AKT3: variants seen among roughly 807,000 people sequenced by gnomAD.
AKT3 encodes AKT serine/threonine kinase 3.
In AKT3, 15 loss-of-function variants were observed where a neutral mutation model predicts 65.3. The observed-to-expected ratio is 0.23, with a 90% CI of 0.15 to 0.35. The LOEUF (loss-of-function observed/expected upper bound fraction) is 0.35, where lower values mean the gene tolerates loss of function less well. Ranked by LOEUF, AKT3 falls within the 10% of genes least tolerant of loss-of-function variation. The probability of loss-of-function intolerance (pLI) is 1.00; values close to 1 mark genes in which losing one functional copy is unlikely to be tolerated. For missense variants in AKT3, 243 were observed against 576.5 expected, an observed-to-expected ratio of 0.42 and a Z score of 5.92; for synonymous variants, 206 against 183.8, an observed-to-expected ratio of 1.12 and a Z score of -0.98.
intron 4 of AKT3, among the ~76,000 whole-genome samples, chr1:243,654,160 AAATTAT>A (rs1047174933): frequency 6.6e-6 from 1 of 152,116 alleles, no homozygotes. Context: ...ATTGTAACTT[AAATTAT>A]AATATTTAAC....
chr1:243,533,717 G>A (rs571498464), intron 12 of AKT3, among the ~76,000 whole-genome samples: 44 of 152,306 alleles, frequency 2.9e-4, no homozygotes, highest in African/African-American at 8.4e-4. Context: ...AAGGCCGGGC[G>A]CGGTGGCTCA....
intron 8 of AKT3, among the ~76,000 whole-genome samples, chr1:243,590,226 G>A (rs1260441229): frequency 6.6e-6 from 1 of 152,146 alleles, no homozygotes; most frequent in African/African-American, 2.4e-5. Flanking sequence ...TGCTAAGAGA[G>A]TAGGTCTTAG....
chr1:243,583,557 G>GAAAAAAAAAAAAAAAAAA (rs977215298), intron 8 of AKT3, among the ~76,000 whole-genome samples: 1 of 38,790 alleles, frequency 2.6e-5, no homozygotes, highest in African/African-American at 4.6e-5. Context: ...AAAAAAAAAA[G>GAAAAAAAAAAAAAAAAAA]AAAAAAAAAA....
chr1:243,765,990 G>C (rs1169139382), intron 2 of AKT3, among the ~76,000 whole-genome samples: 3 of 152,068 alleles, frequency 2.0e-5, no homozygotes, highest in Admixed American at 2.0e-4. Flanking sequence ...GCTTTTCTTG[G>C]CCTGTCCAAA....
At chr1:243,836,357 CTCTAA>C (rs1486438722) in intron 2 of AKT3, among the ~76,000 whole-genome samples, 1 of 151,528 alleles carries the variant, frequency 6.6e-6, no homozygotes, top group Non-Finnish European at 1.5e-5. Flanking sequence ...ACAAAAAAGC[CTCTAA>C]TAATAGAGCT....
chr1:243,616,009 G>A (rs1678276236), intron 6 of AKT3, among the ~76,000 whole-genome samples: 1 of 152,010 alleles, frequency 6.6e-6, no homozygotes. Context: ...CCAAGTAGCA[G>A]AGACTACAGG....
At chr1:243,515,219 T>A (rs963967450) in intron 12 of AKT3, among the ~76,000 whole-genome samples, 1 of 152,166 alleles carries the variant, frequency 6.6e-6, no homozygotes, top group African/African-American at 2.4e-5. Flanking sequence ...TGCTCCCAGT[T>A]TGGGGCAATT....
rs559030593 is a variant in AKT3, at chr1:243,575,280, T to C, written c.697-2232A>G. Reference sequence around the variant, plus strand: ...CTGGCTAATCCTTCTCAGTTTCTACTTTGGCTCTGAACCAACTTTTCAATT... The same window carrying C: ...CTGGCTAATCCTTCTCAGTTTCTACCTTGGCTCTGAACCAACTTTTCAATT... On this transcript the variant is annotated intron_variant, in intron 8 of 13. Transcript: ENST00000673466. Among the ~76,000 whole-genome samples the C allele has an allele frequency of 8.9e-4, 136 of 152,284 alleles. 1 individual carries two copies. The highest frequency in any genetic ancestry group is 3.2e-3 in the African/African-American group (133 of 41,572).
intron 1 of AKT3, among the ~76,000 whole-genome samples, chr1:243,844,720 A>G (rs2148480871): frequency 6.6e-6 from 1 of 152,294 alleles, no homozygotes; most frequent in South Asian, 2.1e-4. Flanking sequence ...AAGCAAAAAA[A>G]GTTCCTCAGA....
chr1:243,521,800 T>C (rs1670733376), intron 12 of AKT3, among the ~76,000 whole-genome samples: 1 of 152,234 alleles, frequency 6.6e-6, no homozygotes, highest in Non-Finnish European at 1.5e-5. Context: ...TTCTGAGGGG[T>C]TTGTTAACAC....
rs979518810 is a variant in AKT3 at position 243,768,708 on chromosome 1, G to A, written c.47-72992C>T. Among the ~76,000 whole-genome samples the A allele has an allele frequency of 3.3e-5, 5 of 151,880 alleles. No individual in the cohort carries two copies. The East Asian group carries it at 5.8e-4, about 18-fold the overall frequency. ...AAATGAGCTGGGTGTAGAGGCATGC[G>A]CCTGTAATCCCACCTACTCAGGAGG... On this transcript the variant is annotated intron_variant, in intron 2 of 13. Transcript: ENST00000673466.
chr1:243,681,783 T>G (rs576880723), intron 3 of AKT3, among the ~76,000 whole-genome samples: 1 of 152,250 alleles, frequency 6.6e-6, no homozygotes, highest in South Asian at 2.1e-4. Context: ...CTGGGCAAGT[T>G]TTTCAGTCTC....
intron 2 of AKT3, among the ~76,000 whole-genome samples, chr1:243,714,039 T>G (rs1410899960): frequency 6.6e-6 from 1 of 152,192 alleles, no homozygotes; most frequent in African/African-American, 2.4e-5. Flanking sequence ...TTGGGTTTTT[T>G]CCTCTCTTTT....
At chr1:243,794,967 A>G (rs1184229233) in intron 2 of AKT3, among the ~76,000 whole-genome samples, 1 of 152,056 alleles carries the variant, frequency 6.6e-6, no homozygotes, top group Non-Finnish European at 1.5e-5. Flanking sequence ...CGTTCTCTTT[A>G]CCCTCATGGA....
intron 2 of AKT3, among the ~76,000 whole-genome samples, chr1:243,820,616 T>C (rs1225335533): frequency 2.6e-5 from 4 of 152,114 alleles, no homozygotes; most frequent in African/African-American, 9.6e-5. Context: ...AATGACCCAA[T>C]AGAACTGAAA....
chr1:243,583,563 AAAAAGAAAAAGAAAAAG>A lies in AKT3; in HGVS notation c.697-10532_697-10516del, dbSNP rs1393746196. On this transcript the variant is annotated intron_variant, in intron 8 of 13. Coordinates refer to ENST00000673466, the MANE Select transcript of AKT3 (RefSeq NM_005465.7). Reference sequence around the variant, plus strand: ...CTCAAAAAAAAAAAAAAAAGAAAAAAAAAAGAAAAAGAAAAAGAAAAACAAACAAAAAAACCCTGAAA... The same window carrying A: ...CTCAAAAAAAAAAAAAAAAGAAAAAAAAAAACAAACAAAAAAACCCTGAAA... 1.5e-4 allele frequency among the ~76,000 whole-genome samples: 14 copies of A among 95,812 alleles called. No homozygotes were observed. The South Asian group carries it at 2.8e-3, about 19-fold the overall frequency. The allele number at this position is 95,812 out of a possible 152,430, so 62.9% of individuals were successfully genotyped here.
intron 2 of AKT3, among the ~76,000 whole-genome samples, chr1:243,732,322 T>A (rs1184916137): frequency 6.6e-6 from 1 of 152,210 alleles, no homozygotes; most frequent in Non-Finnish European, 1.5e-5. Context: ...AACCACAGCA[T>A]ACCTAAAGCT....
chr1:243,795,004 C>A (rs1691864889), intron 2 of AKT3, among the ~76,000 whole-genome samples: 1 of 152,184 alleles, frequency 6.6e-6, no homozygotes, highest in Admixed American at 6.5e-5. Context: ...TGTTCACTAT[C>A]ATTTAAGTGG....
intron 2 of AKT3, among the ~76,000 whole-genome samples, chr1:243,737,735 A>G (rs553222323): frequency 6.6e-6 from 1 of 152,312 alleles, no homozygotes; most frequent in African/African-American, 2.4e-5. Context: ...CCACAGGGAG[A>G]AGTCATTGGA....
Sources: allele counts gnomAD v4.1 joint callset (sites outside exome capture counted in the v4.1 genomes callset), GRCh38; gene constraint gnomAD v4.1.1; transcripts MANE v1.5; gene names NCBI Gene and HGNC (gene_info 2026-07-23, HGNC 2026-07-21).